MYO6: variants seen among roughly 807,000 people sequenced by gnomAD.
MYO6 encodes the protein myosin VI, also known as unconventional myosin-VI.
A neutral mutation model predicts 178.7 loss-of-function variants in MYO6; 74 were observed. The observed-to-expected ratio is 0.41, with a 90% CI of 0.34 to 0.50. The LOEUF is 0.50. MYO6 is among the 20% of genes least tolerant of loss of function. The pLI is 0.09. For missense variants in MYO6, 1,330 were observed against 1,547.4 expected (o/e 0.86, Z 2.36); for synonymous variants, 477 against 504.6 (o/e 0.95, Z 0.73).
At chr6:75,847,277 A>G (rs1774813522) in intron 10 of MYO6, among the ~76,000 whole-genome samples, 1 of 152,134 alleles carries the variant, frequency 6.6e-6, no homozygotes, top group Non-Finnish European at 1.5e-5. Flanking sequence ...CACATTCATA[A>G]TTGAACATTT....
At chr6:75,768,481 T>A (rs1778636539) in intron 1 of MYO6, among the ~76,000 whole-genome samples, 1 of 150,648 alleles carries the variant, frequency 6.6e-6, no homozygotes, top group Non-Finnish European at 1.5e-5. Context: ...CCTGGGCTCA[T>A]GTGATTCTCC....
chr6:75,913,127 A>G lies in MYO6; in HGVS notation c.3440-936A>G, dbSNP rs6914874. Among the ~76,000 whole-genome samples, 440 of 152,296 alleles carry G rather than the reference A, an allele frequency of 2.9e-3. 5 individuals are homozygous for G. The highest frequency in any genetic ancestry group is 0.01 in the African/African-American group (425 of 41,568). ...GAGACTCTTAACTGAGCTGCTGTAA[A>G]TGGTTGTTCCACTTTTGAAGTTCTG... On this transcript the variant is annotated intron_variant, in intron 33 of 34. Coordinates refer to ENST00000369977, the MANE Select transcript of MYO6 (RefSeq NM_004999.4).
chr6:75,808,154 A>G lies in MYO6; in HGVS notation c.-47-9347A>G, dbSNP rs557581209. Reference sequence around the variant, plus strand: ...GTGGTAGGGGTGGTATTAGTCTGCTAGAAGTGTAGACTGCTCAGGCTGCCG... The same window carrying G: ...GTGGTAGGGGTGGTATTAGTCTGCTGGAAGTGTAGACTGCTCAGGCTGCCG... On this transcript the variant is annotated intron_variant, in intron 1 of 34. Transcript: ENST00000369977. Among the ~76,000 whole-genome samples the G allele has an allele frequency of 4.6e-5, 7 of 152,384 alleles. No individual in the cohort carries two copies. The South Asian group carries it at 1.2e-3, about 27-fold the overall frequency.
chr6:75,888,606 TAAA>T (rs755692046), intron 25 of MYO6, among the ~76,000 whole-genome samples: 1 of 134,150 alleles, frequency 7.5e-6, no homozygotes, highest in Non-Finnish European at 1.6e-5. Context: ...GACCCCTGGC[TAAA>T]AAAAAAAAAA....
chr6:75,907,027 G>A lies in MYO6; in HGVS notation c.3177-578G>A, dbSNP rs576197219. Among the ~76,000 whole-genome samples the A allele has an allele frequency of 3.3e-5, 5 of 152,304 alleles. No homozygotes were observed. The Middle Eastern group carries it at 0.01, about 311-fold the overall frequency. On this transcript the variant is annotated intron_variant, in intron 30 of 34. Transcript: ENST00000369977. Reference sequence around the variant, plus strand: ...CCAGATTCCATCCGTTCTTTTAGCTGACTTGAATGACTCTAATGCAGTGGG... The same window carrying A: ...CCAGATTCCATCCGTTCTTTTAGCTAACTTGAATGACTCTAATGCAGTGGG...
At chr6:75,767,264 G>C (rs1027718327) in intron 1 of MYO6, among the ~76,000 whole-genome samples, 1 of 152,028 alleles carries the variant, frequency 6.6e-6, no homozygotes, top group Non-Finnish European at 1.5e-5. Context: ...GGCCTCAAGT[G>C]ATCTGCCCAT....
At chr6:75,890,578 C>T (rs1472494379) in intron 26 of MYO6, among the ~76,000 whole-genome samples, 1 of 152,150 alleles carries the variant, frequency 6.6e-6, no homozygotes. Flanking sequence ...CTCCTGACCA[C>T]AGGGGATCCA....
rs571285689 is a variant in MYO6 at position 75,822,933 on chromosome 6, T to G, written c.187+82T>G. On this transcript the variant is annotated intron_variant, in intron 3 of 34. Coordinates refer to ENST00000369977, the MANE Select transcript of MYO6 (RefSeq NM_004999.4). ...AAAAATAAATTAGTGGTTATATAACTGATACACTGTGCGGGTTCAGAAACA... is the reference window on the plus strand; with the variant it reads ...AAAAATAAATTAGTGGTTATATAACGGATACACTGTGCGGGTTCAGAAACA... 2.8e-6 allele frequency: 3 copies of G among 1,063,292 alleles called. No homozygotes were observed. In the Admixed American group the frequency reaches 5.2e-5, roughly 18 times the overall value. 65.9% of individuals were successfully genotyped at this position (1,063,292 alleles called of 1,614,324 possible).
At chr6:75,815,558 T>C (rs1562198160) in intron 1 of MYO6, among the ~76,000 whole-genome samples, 1 of 152,156 alleles carries the variant, frequency 6.6e-6, no homozygotes, top group Non-Finnish European at 1.5e-5. Context: ...AAGTCTGAAG[T>C]AGTGGTATTG....
Position 75,818,462 on chromosome 6 carries a change from G to A in MYO6, c.117+798G>A, listed in dbSNP as rs193155474. ...TTCAACTCTTAGCTCTCTTAGCACA[G>A]TAATATCTTATTCCCATGATAGATG... is the stretch of plus-strand genomic sequence containing the variant. On this transcript the variant is annotated intron_variant, in intron 2 of 34. Transcript: ENST00000369977. Among the ~76,000 whole-genome samples, 72 of 152,278 alleles carry A rather than the reference G, an allele frequency of 4.7e-4. No homozygotes were observed. In the South Asian group the frequency reaches 0.01, roughly 22 times the overall value.
Position 75,843,020 on chromosome 6 carries a change from G to A in MYO6, c.816+1642G>A, listed in dbSNP as rs1774387716. 2.0e-5 allele frequency among the ~76,000 whole-genome samples: 3 copies of A among 152,094 alleles called. No individual in the cohort carries two copies. The South Asian group carries it at 6.2e-4, about 32-fold the overall frequency. On this transcript the variant is annotated intron_variant, in intron 9 of 34. Coordinates refer to ENST00000369977, the MANE Select transcript of MYO6 (RefSeq NM_004999.4). ...TTGTGATGGTAAGAGGAAGAGTAGG[G>A]GAACAGCGTTGCATACATCTGCCAT... is the stretch of plus-strand genomic sequence containing the variant.
intron 6 of MYO6, among the ~76,000 whole-genome samples, chr6:75,834,306 C>T (rs533030722): frequency 6.6e-6 from 1 of 152,020 alleles, no homozygotes; most frequent in Admixed American, 6.6e-5. Flanking sequence ...AATCATAGCT[C>T]ACTGCATCCT....
intron 2 of MYO6, among the ~76,000 whole-genome samples, chr6:75,820,336 G>C (rs905035889): frequency 1.3e-5 from 2 of 152,092 alleles, no homozygotes; most frequent in Middle Eastern, 3.2e-3. Context: ...CATTGCTCCT[G>C]CCTGGAGTGC....
chr6:75,892,336 A>G (rs1185647049), intron 27 of MYO6, among the ~76,000 whole-genome samples, 194 bp from the exon 28 acceptor site: 2 of 152,202 alleles, frequency 1.3e-5, no homozygotes, highest in Non-Finnish European at 2.9e-5. Context: ...GAAAGAGGCA[A>G]AATGGGGATG....
intron 1 of MYO6, among the ~76,000 whole-genome samples, chr6:75,792,674 GTAA>G (rs1440666723): frequency 5.3e-5 from 8 of 152,098 alleles, no homozygotes; most frequent in African/African-American, 1.7e-4. Context: ...ATGATCAGCA[GTAA>G]TAATAGTTCT....
At chr6:75,838,058 T>A (rs1272135865) in intron 7 of MYO6, among the ~76,000 whole-genome samples, 1 of 151,114 alleles carries the variant, frequency 6.6e-6, no homozygotes, top group East Asian at 1.9e-4. Flanking sequence ...TAGCTTCTTT[T>A]TTTTTTTTTT....
chr6:75,858,212 G>C (rs1775891244), intron 13 of MYO6, among the ~76,000 whole-genome samples: 1 of 152,080 alleles, frequency 6.6e-6, no homozygotes, highest in Non-Finnish European at 1.5e-5. Flanking sequence ...CAGCATTTTT[G>C]ATAAGTAATT....
chr6:75,902,630 G>T (rs1208413890), intron 30 of MYO6, among the ~76,000 whole-genome samples: 1 of 151,650 alleles, frequency 6.6e-6, no homozygotes, highest in African/African-American at 2.4e-5. Flanking sequence ...TTCTTTATTA[G>T]TCTTGCTAGC....
intron 34 of MYO6, 104 bp downstream of exon 34, chr6:75,914,385 G>C (rs1355195712): frequency 8.4e-7 from 1 of 1,190,112 alleles, no homozygotes; most frequent in African/African-American, 1.5e-5. Context: ...TACATTTCAG[G>C]GTTGAGGGAT....
Sources: gnomAD v4.1 joint callset for allele counts (sites outside exome capture counted in the v4.1 genomes callset) on GRCh38, gnomAD v4.1.1 for gene constraint, MANE v1.5 for transcripts, NCBI Gene and HGNC (gene_info 2026-07-23, HGNC 2026-07-21) for gene names.